CNBD1: variants seen among roughly 807,000 people sequenced by gnomAD.
The protein encoded by CNBD1 is cyclic nucleotide binding domain containing 1.
CNBD1 carries 71 observed loss-of-function variants against 54.4 expected under a neutral mutation model. The ratio of observed to expected loss-of-function variants is 1.30; its 90% confidence interval spans 1.08 to 1.59. The LOEUF is 1.59. Ranked by LOEUF, CNBD1 falls within the 40% of genes most tolerant of loss-of-function variation. CNBD1 has a pLI of 0.00. For synonymous variants in CNBD1, 182 were observed against 170.7 expected (o/e 1.07, Z -0.51); for missense variants, 659 against 518.0 (o/e 1.27, Z -2.64).
intron 4 of CNBD1, among the ~76,000 whole-genome samples, chr8:87,161,678 AT>A (rs1279414919): frequency 6.6e-6 from 1 of 152,130 alleles, no homozygotes; most frequent in African/African-American, 2.4e-5. Context: ...TTCTCTGAAG[AT>A]TTTAAACCAA....
chr8:87,305,558 AC>A (rs1809123920), intron 8 of CNBD1, among the ~76,000 whole-genome samples: 3 of 152,210 alleles, frequency 2.0e-5, no homozygotes, highest in Non-Finnish European at 4.4e-5. Flanking sequence ...AAAAATAGGC[AC>A]ATAGACCCAT....
chr8:86,918,075 A>G (rs2131821726), intron 3 of CNBD1, among the ~76,000 whole-genome samples: 1 of 152,310 alleles, frequency 6.6e-6, no homozygotes, highest in South Asian at 2.1e-4. Flanking sequence ...ATACTTATTT[A>G]AACTATATCC....
At chr8:86,913,049 T>C (rs544923760) in intron 3 of CNBD1, among the ~76,000 whole-genome samples, 2 of 152,338 alleles carry the variant, frequency 1.3e-5, no homozygotes, top group South Asian at 4.1e-4. Flanking sequence ...TGTTTTAAGC[T>C]AAGTGTTTTT....
intron 4 of CNBD1, among the ~76,000 whole-genome samples, chr8:86,943,059 A>T (rs565836071): frequency 6.6e-6 from 1 of 152,146 alleles, no homozygotes; most frequent in African/African-American, 2.4e-5. Context: ...AATTAAAAAA[A>T]AAAAAACATT....
intron 6 of CNBD1, among the ~76,000 whole-genome samples, chr8:87,263,640 A>G (rs1423101051): frequency 6.6e-6 from 1 of 152,196 alleles, no homozygotes; most frequent in Non-Finnish European, 1.5e-5. Context: ...AGTAGAAAAT[A>G]AACCAAAAAT....
chr8:87,365,625 A>T (rs980974895), intron 10 of CNBD1, among the ~76,000 whole-genome samples: 3 of 152,090 alleles, frequency 2.0e-5, no homozygotes, highest in Non-Finnish European at 4.4e-5. Context: ...AATAAGGTCC[A>T]CTTGTAAGTA....
intron 4 of CNBD1, among the ~76,000 whole-genome samples, chr8:86,946,476 G>A (rs7835523): frequency 1.3e-5 from 2 of 151,948 alleles, no homozygotes; most frequent in African/African-American, 4.8e-5. Context: ...TTTTTTCACT[G>A]TATAGATGTA....
chr8:86,885,060 C>G (rs1371832970), intron 1 of CNBD1, among the ~76,000 whole-genome samples: 3 of 152,168 alleles, frequency 2.0e-5, no homozygotes, highest in African/African-American at 7.2e-5. Flanking sequence ...TTCACTTATT[C>G]TATTGCTTCC....
chr8:87,161,203 C>G (rs184330963), intron 4 of CNBD1, among the ~76,000 whole-genome samples: 3 of 152,124 alleles, frequency 2.0e-5, no homozygotes, highest in Admixed American at 2.0e-4. Flanking sequence ...GTTACCTTCA[C>G]ATATGTTTTC....
At chr8:87,404,013 G>A (rs1426740868) in intron 2 of CNBD1, among the ~76,000 whole-genome samples, 1 of 152,066 alleles carries the variant, frequency 6.6e-6, no homozygotes, top group African/African-American at 2.4e-5. Context: ...CAGATCAACT[G>A]AGAGCACTAT....
rs562457794 is a variant in CNBD1, at chr8:87,421,481, T to G, written c.214-7065T>G. Among the ~76,000 whole-genome samples the G allele has an allele frequency of 8.1e-4, 113 of 139,230 alleles. 1 individual carries two copies. The highest frequency in any genetic ancestry group is 1.5e-3 in the Non-Finnish European group (96 of 65,384). The allele number at this position is 139,230 out of a possible 152,430, so 91.3% of individuals were successfully genotyped here. A position where few individuals can be genotyped will look rare whatever the true frequency, so the allele number is the denominator to read the frequency against. On this transcript the variant is annotated intron_variant, in intron 2 of 7. Transcript: ENST00000521593. The stretch of plus-strand genomic sequence containing the variant: ...TGATGTTCCCCTTCCTGTGTCCATG[T>G]GATCTCATTGTTCAATTCCCACCTA...
chr8:87,154,746 C>G (rs1445366273), intron 4 of CNBD1, among the ~76,000 whole-genome samples: 1 of 152,080 alleles, frequency 6.6e-6, no homozygotes, highest in Non-Finnish European at 1.5e-5. Context: ...ATATTAGAAC[C>G]TAGACTGGGT....
At chr8:86,910,471 C>T (rs1050344333) in intron 3 of CNBD1, among the ~76,000 whole-genome samples, 3 of 152,142 alleles carry the variant, frequency 2.0e-5, no homozygotes, top group African/African-American at 4.8e-5. Flanking sequence ...GGCATAGAAC[C>T]TGTTAGCAAA....
chr8:87,317,191 C>T (rs935435967), intron 8 of CNBD1, among the ~76,000 whole-genome samples: 2 of 151,456 alleles, frequency 1.3e-5, no homozygotes, highest in South Asian at 2.1e-4. Context: ...TTTTCTCTTT[C>T]GTTGATTTCT....
chr8:87,002,763 A>C (rs1809019553), intron 4 of CNBD1, among the ~76,000 whole-genome samples: 1 of 151,892 alleles, frequency 6.6e-6, no homozygotes, highest in Non-Finnish European at 1.5e-5. Context: ...ATCACTTATT[A>C]CTAACATACT....
intron 2 of CNBD1, among the ~76,000 whole-genome samples, chr8:87,422,163 T>C (rs1338097511): frequency 6.8e-6 from 1 of 146,952 alleles, no homozygotes; most frequent in African/African-American, 2.6e-5. Context: ...TCATTGTAGA[T>C]TCTGGATATT....
At chr8:87,357,774 A>G (rs909726084) in intron 10 of CNBD1, among the ~76,000 whole-genome samples, 4 of 152,288 alleles carry the variant, frequency 2.6e-5, no homozygotes, top group African/African-American at 9.6e-5. Context: ...GACATGAGAT[A>G]TGGTAGGCCA....
intron 4 of CNBD1, among the ~76,000 whole-genome samples, chr8:86,959,869 T>C (rs1241213081): frequency 6.6e-6 from 1 of 152,194 alleles, no homozygotes; most frequent in African/African-American, 2.4e-5. Flanking sequence ...GTCAAAGTCA[T>C]TCTCCATCTA....
In CNBD1 at chr8:86,870,189, C is replaced by CTT. The variant is rs71275890; in HGVS notation, c.88+3620_88+3621dup. 5.5e-4 allele frequency among the ~76,000 whole-genome samples: 55 copies of CTT among 100,606 alleles called. 7 individuals are homozygous for CTT. The South Asian group carries it at 0.013, about 23-fold the overall frequency. The allele number at this position is 100,606 out of a possible 152,430, so 66.0% of individuals were successfully genotyped here. On this transcript the variant is annotated intron_variant, in intron 1 of 10. Coordinates refer to ENST00000518476, the MANE Select transcript of CNBD1 (RefSeq NM_173538.3). ...AGAAATTTAGAAACAAGATAGTACT[C>CTT]TTTTTTTTTTTTTTTCTGAGACGGA...
Sources: allele counts gnomAD v4.1 joint callset (sites outside exome capture counted in the v4.1 genomes callset), GRCh38; gene constraint gnomAD v4.1.1; transcripts MANE v1.5; gene names NCBI Gene and HGNC (gene_info 2026-07-23, HGNC 2026-07-21).